Variants in CNTNAP3B observed in about 807,000 individuals in gnomAD.
The protein encoded by CNTNAP3B is contactin-associated protein-like 3B.
CNTNAP3B carries 25 observed loss-of-function variants against 108.9 expected under a neutral mutation model. That is an observed-to-expected ratio of 0.23 (90% confidence interval 0.17 to 0.32). The LOEUF (loss-of-function observed/expected upper bound fraction) is 0.32, where lower values mean the gene tolerates loss of function less well. Ranked by LOEUF, CNTNAP3B falls within the 10% of genes least tolerant of loss-of-function variation. The pLI, the probability that CNTNAP3B is intolerant of heterozygous loss-of-function variation, is 1.00. For synonymous variants in CNTNAP3B, 103 were observed against 473.4 expected, an observed-to-expected ratio of 0.22 and a Z score of 10.16; for missense variants, 252 against 1,210.4, an observed-to-expected ratio of 0.21 and a Z score of 11.75.
At chr9:42,070,345 A>G (rs1329271049) in intron 3 of CNTNAP3B, among the ~76,000 whole-genome samples, 2 of 149,540 alleles carry the variant, frequency 1.3e-5, no homozygotes, top group African/African-American at 5.0e-5. Context: ...GATTTCAGTA[A>G]CCCAGTGGCC....
chr9:42,115,838 G>T (rs1828302843), intron 1 of CNTNAP3B, among the ~76,000 whole-genome samples: 1 of 121,820 alleles, frequency 8.2e-6, no homozygotes, highest in South Asian at 2.8e-4. Flanking sequence ...CGCCTCGCCA[G>T]CAACGGAACA....
chr9:41,961,044 A>G (rs1156258013), intron 11 of CNTNAP3B, among the ~76,000 whole-genome samples, 152 bp from the exon 12 acceptor site: 1 of 152,308 alleles, frequency 6.6e-6, no homozygotes, highest in Non-Finnish European at 1.5e-5. Flanking sequence ...ATGAGATGCA[A>G]GAAAAATGAC....
rs1477704511 is a variant in CNTNAP3B, at chr9:42,124,616, C to A, written c.85+4394G>T. On this transcript the variant is annotated intron_variant, in intron 1 of 23. Coordinates refer to ENST00000377561, the MANE Select transcript of CNTNAP3B (RefSeq NM_001201380.3). ...AGCAACCGGGCCTAGGGACAAGCAACCTTTCAGCTAAGAGTCTCGTCAAAG... is the reference window on the plus strand; with the variant it reads ...AGCAACCGGGCCTAGGGACAAGCAAACTTTCAGCTAAGAGTCTCGTCAAAG... Among the ~76,000 whole-genome samples, 30 of 126,122 alleles carry A rather than the reference C, an allele frequency of 2.4e-4. 4 individuals carry two copies. Among genetic ancestry groups the A allele is most frequent in the Middle Eastern group, 3.7e-3 (1 of 268 alleles). 82.7% of individuals were successfully genotyped at this position (126,122 alleles called of 152,430 possible).
chr9:42,128,068 G>C (rs1440468387), intron 1 of CNTNAP3B, among the ~76,000 whole-genome samples: 1 of 138,272 alleles, frequency 7.2e-6, no homozygotes, highest in Non-Finnish European at 1.5e-5. Flanking sequence ...TGAGAAGGAG[G>C]AGGAAGACAT....
At chr9:42,037,348 G>C (rs1432060159) in intron 3 of CNTNAP3B, among the ~76,000 whole-genome samples, 1 of 117,632 alleles carries the variant, frequency 8.5e-6, no homozygotes, top group East Asian at 3.2e-4. Context: ...AAAGGAGGAT[G>C]TTCGAACCCA....
intron 2 of CNTNAP3B, among the ~76,000 whole-genome samples, chr9:42,103,273 A>T (rs1166222101): frequency 6.7e-6 from 1 of 148,740 alleles, no homozygotes; most frequent in Non-Finnish European, 1.5e-5. Context: ...CTTAAGAAAA[A>T]TAAACAGAAA....
chr9:41,952,002 G>A (rs189173981), intron 13 of CNTNAP3B, among the ~76,000 whole-genome samples: 51 of 152,366 alleles, frequency 3.3e-4, no homozygotes, highest in African/African-American at 1.1e-3. Context: ...GCTTGAATCC[G>A]GGAGGGGAGC....
intron 15 of CNTNAP3B, among the ~76,000 whole-genome samples, chr9:41,927,615 A>C (rs1368533381): frequency 2.0e-5 from 3 of 150,736 alleles, no homozygotes; most frequent in Non-Finnish European, 4.5e-5. Flanking sequence ...AGAGAACACA[A>C]GGAAAGAAAA....
At chr9:42,066,627 G>A (rs1322880824) in intron 3 of CNTNAP3B, among the ~76,000 whole-genome samples, 1 of 130,990 alleles carries the variant, frequency 7.6e-6, no homozygotes, top group East Asian at 2.3e-4. Context: ...TGGGGTTTCA[G>A]CATGTTGGCC....
At chr9:41,965,023 T>C (rs1295764938) in intron 10 of CNTNAP3B, among the ~76,000 whole-genome samples, 14 of 152,246 alleles carry the variant, frequency 9.2e-5, no homozygotes, top group Non-Finnish European at 1.3e-4. Context: ...GGGAGGAAGA[T>C]ACAGAGGGGA....
intron 2 of CNTNAP3B, among the ~76,000 whole-genome samples, chr9:42,086,500 T>A (rs1380760512): frequency 7.2e-6 from 1 of 138,410 alleles, no homozygotes; most frequent in Non-Finnish European, 1.6e-5. Flanking sequence ...CAGGCCAAGA[T>A]TCAATGCAAT....
chr9:42,077,554 A>C (rs1827518070), intron 2 of CNTNAP3B, among the ~76,000 whole-genome samples: 1 of 132,370 alleles, frequency 7.6e-6, no homozygotes, highest in South Asian at 2.4e-4. Flanking sequence ...TCCCACTTAC[A>C]TGTGGAATTC....
Position 42,055,691 on chromosome 9 carries a change from A to T in CNTNAP3B, c.390+21178T>A, listed in dbSNP as rs906245029. On this transcript the variant is annotated intron_variant, in intron 3 of 23. Transcript: ENST00000377561. The stretch of plus-strand genomic sequence containing the variant: ...ATTTTTTGGAACTTTAATTTTATAG[A>T]TAGTGCCAAATGGTTCTTCAAGAAA... Among the ~76,000 whole-genome samples the T allele has an allele frequency of 7.7e-5, 5 of 64,558 alleles. 1 individual carries two copies. Among genetic ancestry groups the T allele is most frequent in the African/African-American group, 3.0e-4 (5 of 16,938 alleles). The allele number at this position is 64,558 out of a possible 152,430, so 42.4% of individuals were successfully genotyped here.
rs1824180783 is a variant in CNTNAP3B, at chr9:41,937,101, T to TA, written c.2237+1142_2237+1143insT. 7.6e-3 allele frequency among the ~76,000 whole-genome samples: 896 copies of TA among 117,242 alleles called. 16 individuals carry two copies. Among genetic ancestry groups the TA allele is most frequent in the African/African-American group, 0.029 (851 of 29,746 alleles). 76.9% of individuals were successfully genotyped at this position (117,242 alleles called of 152,430 possible). ...TGACACCTGGAATGACCATTACATT[T>TA]TTTATTTATTAATTTATTATTATTA... On this transcript the variant is annotated intron_variant, in intron 14 of 23. Coordinates refer to ENST00000377561, the MANE Select transcript of CNTNAP3B (RefSeq NM_001201380.3).
At chr9:42,067,940 T>G (rs943244036) in intron 3 of CNTNAP3B, among the ~76,000 whole-genome samples, 1 of 133,012 alleles carries the variant, frequency 7.5e-6, no homozygotes, top group African/African-American at 3.1e-5. Flanking sequence ...AGTAAAACTT[T>G]CACTAATTAT....
chr9:42,094,313 TA>T (rs1827855619), intron 2 of CNTNAP3B, among the ~76,000 whole-genome samples: 1 of 131,608 alleles, frequency 7.6e-6, no homozygotes, highest in South Asian at 2.4e-4. Flanking sequence ...GCCAGAGAAC[TA>T]AGAATGGTTT....
At chr9:41,960,550 C>T (rs1825049240) in intron 12 of CNTNAP3B, among the ~76,000 whole-genome samples, 1 of 152,270 alleles carries the variant, frequency 6.6e-6, no homozygotes, top group South Asian at 2.1e-4. Context: ...AGTGTAGGAG[C>T]TAGAGAGATG....
intron 16 of CNTNAP3B, 48 bp from the exon 17 acceptor site, chr9:41,922,943 TG>T (rs1823710106): frequency 7.6e-7 from 1 of 1,312,586 alleles, no homozygotes; most frequent in African/African-American, 1.5e-5. Flanking sequence ...CACAGAAAAT[TG>T]AGTCTTGTGC....
At chr9:41,970,916 G>GACATA (rs1421555008) in intron 9 of CNTNAP3B, among the ~76,000 whole-genome samples, 2 of 149,848 alleles carry the variant, frequency 1.3e-5, no homozygotes, top group Admixed American at 6.6e-5. Flanking sequence ...AAAGTAACAG[G>GACATA]ACATAACACA....
Sources: gnomAD v4.1 joint callset for allele counts (sites outside exome capture counted in the v4.1 genomes callset) on GRCh38, gnomAD v4.1.1 for gene constraint, MANE v1.5 for transcripts, NCBI Gene and HGNC (gene_info 2026-07-23, HGNC 2026-07-21) for gene names.